TAF3: variants seen among roughly 807,000 people sequenced by gnomAD.
TAF3 encodes transcription initiation factor TFIID subunit 3.
Under a neutral mutation model 80.6 loss-of-function variants are expected in TAF3, and 7 were observed. The ratio of observed to expected loss-of-function variants is 0.09; its 90% CI spans 0.05 to 0.16. TAF3 has a LOEUF of 0.16. Ranked by LOEUF, TAF3 falls within the 10% of genes least tolerant of loss-of-function variation. The pLI is 1.00. For missense variants in TAF3, 921 were observed against 1,140.2 expected, an observed-to-expected ratio of 0.81 and a Z score of 2.77; for synonymous variants, 444 against 446.1, an observed-to-expected ratio of 1.00 and a Z score of 0.06.
At chr10:7,984,381 C>G (rs1226608315) in intron 4 of TAF3, among the ~76,000 whole-genome samples, 2 of 152,144 alleles carry the variant, frequency 1.3e-5, no homozygotes, top group Non-Finnish European at 2.9e-5. Flanking sequence ...ATAATCAAAG[C>G]ATTTCCATCT....
At chr10:7,975,251 C>T (rs1208532095) in intron 3 of TAF3, among the ~76,000 whole-genome samples, 3 of 152,148 alleles carry the variant, frequency 2.0e-5, no homozygotes, top group Non-Finnish European at 4.4e-5. Flanking sequence ...TCCTTCAATA[C>T]TGGTGGCCTC....
At chr10:7,983,686 A>G (rs528044178) in intron 4 of TAF3, among the ~76,000 whole-genome samples, 3 of 152,138 alleles carry the variant, frequency 2.0e-5, no homozygotes, top group Admixed American at 6.6e-5. Flanking sequence ...AAAGCTAAAC[A>G]TCATGAGCTG....
chr10:7,996,883 G>T (rs1361087175), intron 4 of TAF3, among the ~76,000 whole-genome samples: 1 of 146,898 alleles, frequency 6.8e-6, no homozygotes, highest in Admixed American at 6.9e-5. Flanking sequence ...TTGTAGAGAC[G>T]AGGTTTCCCT....
intron 2 of TAF3, among the ~76,000 whole-genome samples, chr10:7,837,999 A>G (rs1260723544): frequency 2.0e-5 from 3 of 152,262 alleles, no homozygotes; most frequent in Non-Finnish European, 2.9e-5. Flanking sequence ...TTGATATCAC[A>G]TAATATATTC....
At chr10:7,921,173 T>C (rs1189177148) in intron 2 of TAF3, among the ~76,000 whole-genome samples, 1 of 152,166 alleles carries the variant, frequency 6.6e-6, no homozygotes, top group Non-Finnish European at 1.5e-5. Flanking sequence ...GTTAATAATG[T>C]CTACTATCTG....
intron 4 of TAF3, among the ~76,000 whole-genome samples, chr10:7,982,783 A>G (rs1831737933): frequency 1.3e-5 from 2 of 152,144 alleles, no homozygotes; most frequent in African/African-American, 4.8e-5. Flanking sequence ...ATTAACTTCT[A>G]TGTGGGAGCA....
At chr10:7,979,829 T>TG (rs1430993009) in intron 4 of TAF3, among the ~76,000 whole-genome samples, 2 of 65,346 alleles carry the variant, frequency 3.1e-5, no homozygotes, top group Non-Finnish European at 6.0e-5. Flanking sequence ...GGTGGTGGGG[T>TG]GGGGGGTGGT....
At chr10:8,004,109 G>A (rs770193275) in intron 4 of TAF3, among the ~76,000 whole-genome samples, 9 of 151,878 alleles carry the variant, frequency 5.9e-5, no homozygotes, top group Non-Finnish European at 1.0e-4. Context: ...GGAGTGCAGT[G>A]GCATGATCAC....
intron 2 of TAF3, among the ~76,000 whole-genome samples, chr10:7,842,857 A>G (rs983994633): frequency 1.3e-5 from 2 of 152,190 alleles, no homozygotes; most frequent in Non-Finnish European, 2.9e-5. Context: ...GCAGGCCCAC[A>G]TTTACAGTCT....
intron 2 of TAF3, among the ~76,000 whole-genome samples, chr10:7,878,778 G>A (rs1837333591): frequency 6.6e-6 from 1 of 152,016 alleles, no homozygotes; most frequent in African/African-American, 2.4e-5. Context: ...GCTCAGGCTG[G>A]AGTGGAGCGG....
At chr10:7,916,242 C>A (rs1264407636) in intron 2 of TAF3, among the ~76,000 whole-genome samples, 1 of 152,164 alleles carries the variant, frequency 6.6e-6, no homozygotes, top group Non-Finnish European at 1.5e-5. Context: ...GTCTGAATCT[C>A]CTTCAGGTAA....
At chr10:7,860,163 T>G (rs1248514313) in intron 2 of TAF3, among the ~76,000 whole-genome samples, 1 of 151,748 alleles carries the variant, frequency 6.6e-6, no homozygotes, top group East Asian at 1.9e-4. Context: ...TCCCAGCTGC[T>G]TGGGAGGCTG....
chr10:7,977,583 CAT>C (rs1831686501), intron 4 of TAF3, among the ~76,000 whole-genome samples: 1 of 152,008 alleles, frequency 6.6e-6, no homozygotes, highest in African/African-American at 2.4e-5. Flanking sequence ...ATTATTTCTG[CAT>C]AGTCTTTAAG....
intron 2 of TAF3, among the ~76,000 whole-genome samples, chr10:7,914,031 A>G (rs553823125): frequency 3.3e-5 from 5 of 152,288 alleles, no homozygotes; most frequent in East Asian, 1.9e-4. Flanking sequence ...ACATCAACCA[A>G]TTGCAATGTG....
chr10:7,966,723 A>G (rs2131414211), intron 3 of TAF3, among the ~76,000 whole-genome samples: 1 of 152,330 alleles, frequency 6.6e-6, no homozygotes, highest in African/African-American at 2.4e-5. Context: ...TTTGACCTGC[A>G]GCAGATATAT....
intron 2 of TAF3, among the ~76,000 whole-genome samples, chr10:7,900,744 A>G (rs2131170933): frequency 6.6e-6 from 1 of 152,326 alleles, no homozygotes. Context: ...TACATAAGGA[A>G]GGTATAGGGT....
At chr10:7,986,958 C>T (rs1831784677) in intron 4 of TAF3, among the ~76,000 whole-genome samples, 2 of 152,110 alleles carry the variant, frequency 1.3e-5, no homozygotes. Context: ...AGAAGTTTCC[C>T]CCACATCTCA....
intron 2 of TAF3, among the ~76,000 whole-genome samples, chr10:7,911,525 C>T (rs999160189): frequency 1.2e-4 from 19 of 152,214 alleles, no homozygotes; most frequent in Admixed American, 4.6e-4. Context: ...TACCTCGTGT[C>T]GTATTATTCT....
intron 2 of TAF3, among the ~76,000 whole-genome samples, chr10:7,913,605 T>G (rs1032906362): frequency 8.5e-5 from 13 of 152,210 alleles, no homozygotes; most frequent in Admixed American, 7.9e-4. Context: ...GTTCTCCAGC[T>G]TGTTGGCATC....
Sources: gnomAD v4.1 joint callset for allele counts (sites outside exome capture counted in the v4.1 genomes callset) on GRCh38, gnomAD v4.1.1 for gene constraint, MANE v1.5 for transcripts, NCBI Gene and HGNC (gene_info 2026-07-23, HGNC 2026-07-21) for gene names.